The following CD44 variants were observed in gnomAD, a reference collection of about 807,000 sequenced individuals.
CD44 encodes CD44 molecule (IN blood group), also known as CD44 antigen.
In CD44, 49 loss-of-function variants were observed where a neutral mutation model predicts 88.8. The observed-to-expected ratio is 0.55, with a 90% CI of 0.44 to 0.70. The LOEUF (loss-of-function observed/expected upper bound fraction) is 0.70. CD44 is among the 30% of genes least tolerant of loss of function. The pLI is 0.00. For synonymous variants in CD44, 325 were observed against 312.3 expected (o/e 1.04, Z -0.43); for missense variants, 883 against 913.8 (o/e 0.97, Z 0.43).
In CD44 at chr11:35,139,384, G is replaced by A. The variant is rs758979028; in HGVS notation, c.67+14G>A. The A allele has an allele frequency of 4.2e-5, 66 of 1,553,936 alleles. No individual in the cohort carries two copies. Among genetic ancestry groups the A allele is most frequent in the Non-Finnish European group, 5.6e-5 (64 of 1,147,878 alleles). On this transcript the variant is annotated intron_variant, in intron 1 of 17. Coordinates refer to ENST00000428726, the MANE Select transcript of CD44 (RefSeq NM_000610.4). The stretch of plus-strand genomic sequence containing the variant: ...TGGCGCAGATCGGTGAGTGCCCGCC[G>A]CAGCCTGGGCAGCAAGATGGGTGCG...
In CD44 at chr11:35,200,731, C is replaced by G. The variant is rs115141931; in HGVS notation, c.923-351C>G. On this transcript the variant is annotated intron_variant, in intron 7 of 17. Transcript: ENST00000428726. ...TTCAAGTGCAGAGGGATACTACAGACTGCATGGATGGGCAAAATGGCGCCT... is the reference window on the plus strand; with the variant it reads ...TTCAAGTGCAGAGGGATACTACAGAGTGCATGGATGGGCAAAATGGCGCCT... 4.9e-3 allele frequency: 1,289 copies of G among 263,432 alleles called. 23 individuals are homozygous for G. The highest frequency in any genetic ancestry group is 0.026 in the African/African-American group (1,189 of 46,188). 16.3% of individuals were successfully genotyped at this position (263,432 alleles called of 1,614,324 possible).
At chr11:35,168,115 G>T (rs1382545866) in intron 1 of CD44, among the ~76,000 whole-genome samples, 1 of 152,100 alleles carries the variant, frequency 6.6e-6, no homozygotes, top group Non-Finnish European at 1.5e-5. Flanking sequence ...CCTATCTTGT[G>T]GTCCAGAATC....
chr11:35,154,684 T>C (rs1213310230), intron 1 of CD44, among the ~76,000 whole-genome samples: 4 of 152,176 alleles, frequency 2.6e-5, no homozygotes, highest in Non-Finnish European at 2.9e-5. Flanking sequence ...GAGACAGAGA[T>C]GGAGTTATAG....
At chr11:35,198,055 T>G (rs1483880075) in intron 6 of CD44, 66 bp from the exon 7 acceptor site, 1 of 1,568,536 alleles carries the variant, frequency 6.4e-7, no homozygotes, top group Admixed American at 1.8e-5. Flanking sequence ...CTGTGCCTGA[T>G]TTTCTTCCTT....
In CD44 at chr11:35,208,207, G is replaced by C; in HGVS notation, c.1516+1G>C. 1 of 1,596,248 alleles carries C rather than the reference G, an allele frequency of 6.3e-7. No homozygotes were observed. The highest frequency in any genetic ancestry group is 8.6e-7 in the Non-Finnish European group (1 of 1,163,832). ...ACAGGACCTCTTTCAATGACAACGC[G>C]TAAGAATAACGATGCTCAGCCACTT... On this transcript the variant is annotated splice_donor_variant, in intron 12 of 17. Transcript: ENST00000428726. LOFTEE classifies it high-confidence loss of function.
chr11:35,222,679 G>A (rs758737407), intron 17 of CD44: 355 of 895,528 alleles, frequency 4.0e-4, no homozygotes, highest in Non-Finnish European at 4.3e-4. Context: ...TTTAACAGGG[G>A]TATAAATCTA....
At chr11:35,171,417 C>CG in intron 1 of CD44, among the ~76,000 whole-genome samples, 1 of 152,192 alleles carries the variant, frequency 6.6e-6, no homozygotes, top group South Asian at 2.1e-4. Flanking sequence ...GGAATTTTTA[C>CG]TTTGCATAGG....
At chr11:35,172,028 G>A (rs1464156085) in intron 1 of CD44, among the ~76,000 whole-genome samples, 1 of 151,950 alleles carries the variant, frequency 6.6e-6, no homozygotes, top group Non-Finnish European at 1.5e-5. Context: ...AAAAGCTTGG[G>A]CTACCTTTCT....
intron 1 of CD44, among the ~76,000 whole-genome samples, chr11:35,159,727 C>A (rs944294167): frequency 6.6e-6 from 1 of 152,190 alleles, no homozygotes; most frequent in African/African-American, 2.4e-5. Flanking sequence ...AGTTTACAGG[C>A]AGAGAAACTG....
chr11:35,145,400 G>T (rs551522415), intron 1 of CD44, among the ~76,000 whole-genome samples: 1 of 152,320 alleles, frequency 6.6e-6, no homozygotes, highest in South Asian at 2.1e-4. Context: ...TGGCTGTGTT[G>T]CTCAGGACAG....
At chr11:35,152,427 A>C (rs538096334) in intron 1 of CD44, among the ~76,000 whole-genome samples, 124 of 152,260 alleles carry the variant, frequency 8.1e-4, no homozygotes, top group Non-Finnish European at 1.5e-3. Context: ...TCTAATTCCC[A>C]CCCTGTGAAA....
chr11:35,204,121 T>C (rs760284228), intron 9 of CD44, among the ~76,000 whole-genome samples: 8 of 152,186 alleles, frequency 5.3e-5, no homozygotes, highest in Non-Finnish European at 1.0e-4. Context: ...TGTTATACAG[T>C]GTTTTCCTTT....
chr11:35,165,000 C>A (rs556807334), intron 1 of CD44, among the ~76,000 whole-genome samples: 10 of 152,248 alleles, frequency 6.6e-5, no homozygotes, highest in African/African-American at 1.7e-4. Flanking sequence ...TGGCCCCTAC[C>A]ACAGTATTTT....
chr11:35,181,859 ATTT>A (rs1237853182), intron 3 of CD44, among the ~76,000 whole-genome samples: 3 of 86,014 alleles, frequency 3.5e-5, no homozygotes, highest in African/African-American at 1.8e-4. Flanking sequence ...TTATATATAA[ATTT>A]ATATATATAT....
intron 1 of CD44, among the ~76,000 whole-genome samples, chr11:35,161,968 A>G (rs750373662): frequency 6.6e-6 from 1 of 152,174 alleles, no homozygotes; most frequent in Non-Finnish European, 1.5e-5. Flanking sequence ...GAGCCCTGTC[A>G]TTCTCTATTA....
At position 35,196,331 on chromosome 11, in the gene CD44, A is replaced by T. The variant is rs149433376; in HGVS notation, c.668-415A>T. Among the ~76,000 whole-genome samples the T allele has an allele frequency of 3.7e-3, 567 of 152,280 alleles. 3 individuals are homozygous for T. The highest frequency in any genetic ancestry group is 0.013 in the South Asian group (61 of 4,828). On this transcript the variant is annotated intron_variant, in intron 5 of 17. Coordinates refer to ENST00000428726, the MANE Select transcript of CD44 (RefSeq NM_000610.4). ...CCTCTTCCTGAAATTTTCACCACAG[A>T]TCCTAATTTGGCCTCATGGATCCAG...
rs1020932524 is a variant in CD44, at chr11:35,169,120, A to G, written c.68-7455A>G. Among the ~76,000 whole-genome samples, 8 of 152,308 alleles carry G rather than the reference A, an allele frequency of 5.3e-5. No individual in the cohort carries two copies. The South Asian group carries it at 1.0e-3, about 20-fold the overall frequency. ...CTGATAGGTGATCTTTTTGCACCCTATAAGACTGCAGCCTGTCGGGGGTTG... is the reference window on the plus strand; with the variant it reads ...CTGATAGGTGATCTTTTTGCACCCTGTAAGACTGCAGCCTGTCGGGGGTTG... On this transcript the variant is annotated intron_variant, in intron 1 of 17. Transcript: ENST00000428726.
Position 35,178,665 on chromosome 11 carries a change from G to T in CD44, c.234-1609G>T, listed in dbSNP as rs7110041. On this transcript the variant is annotated intron_variant, in intron 2 of 17. Coordinates refer to ENST00000428726, the MANE Select transcript of CD44 (RefSeq NM_000610.4). ...TACAGTTAGCATGACCCATAAAACC[G>T]GTAGGCAACATGAGGTGGCAAAAAC... Among the ~76,000 whole-genome samples, 506 of 152,176 alleles carry T rather than the reference G, an allele frequency of 3.3e-3. 3 individuals carry two copies. Among genetic ancestry groups the T allele is most frequent in the African/African-American group, 0.012 (480 of 41,494 alleles).
intron 1 of CD44, among the ~76,000 whole-genome samples, chr11:35,161,639 T>A (rs933901029): frequency 1.3e-5 from 2 of 152,188 alleles, no homozygotes; most frequent in Non-Finnish European, 2.9e-5. Flanking sequence ...GGATGTAGCT[T>A]CACTTACACC....
Sources: gnomAD v4.1 joint callset for allele counts (sites outside exome capture counted in the v4.1 genomes callset) on GRCh38, gnomAD v4.1.1 for gene constraint, MANE v1.5 for transcripts, NCBI Gene and HGNC (gene_info 2026-07-23, HGNC 2026-07-21) for gene names.